The following SNTG1 variants were observed in gnomAD, a reference collection of about 807,000 sequenced individuals.
SNTG1 encodes syntrophin gamma 1, also known as gamma-1-syntrophin.
Under a neutral mutation model 74.7 loss-of-function variants are expected in SNTG1, and 39 were observed. The observed-to-expected ratio is 0.52, with a 90% confidence interval of 0.40 to 0.68. The LOEUF (loss-of-function observed/expected upper bound fraction) is 0.68, where lower values mean the gene tolerates loss of function less well. Among genes scored for constraint, SNTG1 ranks in the 30% least tolerant of loss-of-function variants. SNTG1 has a pLI of 0.00. For missense variants in SNTG1, 685 were observed against 609.5 expected (o/e 1.12, Z -1.30); for synonymous variants, 254 against 217.1 (o/e 1.17, Z -1.49).
intron 9 of SNTG1, among the ~76,000 whole-genome samples, chr8:50,504,951 T>C (rs1045314336): frequency 3.3e-5 from 5 of 152,158 alleles, no homozygotes; most frequent in African/African-American, 1.2e-4. Context: ...AAACTTTTGA[T>C]ATTGCAAAAT....
chr8:49,949,918 G>A (rs1223227519), intron 1 of SNTG1, among the ~76,000 whole-genome samples: 1 of 152,150 alleles, frequency 6.6e-6, no homozygotes, highest in Admixed American at 6.5e-5. Flanking sequence ...CTTGAGCCTG[G>A]GAGTTCGAGA....
chr8:50,471,906 A>G (rs919033680), intron 8 of SNTG1, among the ~76,000 whole-genome samples: 1 of 152,214 alleles, frequency 6.6e-6, no homozygotes, highest in African/African-American at 2.4e-5. Context: ...GGATTTCTAT[A>G]CACTAACAAT....
chr8:50,201,003 A>G (rs1018700815), intron 2 of SNTG1, among the ~76,000 whole-genome samples: 1 of 152,120 alleles, frequency 6.6e-6, no homozygotes, highest in South Asian at 2.1e-4. Context: ...GGGCTCATTC[A>G]TTGTCTTTTG....
intron 4 of SNTG1, among the ~76,000 whole-genome samples, chr8:50,429,038 C>T (rs1258629555): frequency 1.3e-5 from 2 of 151,560 alleles, no homozygotes; most frequent in East Asian, 1.9e-4. Flanking sequence ...TATTAGAAAA[C>T]TCAATATTAT....
At position 50,220,027 on chromosome 8, in the gene SNTG1, T is replaced by G. The variant is rs530880093; in HGVS notation, c.-28+47392T>G. Among the ~76,000 whole-genome samples the G allele has an allele frequency of 3.9e-5, 6 of 152,074 alleles. No homozygotes were observed. In the South Asian group the frequency reaches 1.2e-3, roughly 32 times the overall value. ...ACTTTAAAATATATAAAGTCAAAAATGAAAGAACTACAAGGAGAAATTGAC... is the reference window on the plus strand; with the variant it reads ...ACTTTAAAATATATAAAGTCAAAAAGGAAAGAACTACAAGGAGAAATTGAC... On this transcript the variant is annotated intron_variant, in intron 2 of 18. Coordinates refer to ENST00000642720, the MANE Select transcript of SNTG1 (RefSeq NM_018967.5).
At chr8:50,417,313 G>C (rs2093026998) in intron 4 of SNTG1, among the ~76,000 whole-genome samples, 1 of 152,108 alleles carries the variant, frequency 6.6e-6, no homozygotes, top group Non-Finnish European at 1.5e-5. Context: ...TCTGTAGACT[G>C]TATATTCTGA....
At position 50,530,272 on chromosome 8, in the gene SNTG1, AG is replaced by A. The variant is rs2094256131; in HGVS notation, c.549+15del. Reference sequence around the variant, plus strand: ...TCCCAACAATACAGTAAGATGACCCAGGCATAGCTCAGATTAATAAGGAGAT... The same window carrying A: ...TCCCAACAATACAGTAAGATGACCCAGCATAGCTCAGATTAATAAGGAGAT... On this transcript the variant is annotated intron_variant, in intron 10 of 18. Coordinates refer to ENST00000642720, the MANE Select transcript of SNTG1 (RefSeq NM_018967.5). 2 of 1,612,232 alleles carry A rather than the reference AG, an allele frequency of 1.2e-6. No individual in the cohort carries two copies. The highest frequency in any genetic ancestry group is 1.7e-6 in the Non-Finnish European group (2 of 1,178,376).
chr8:50,313,913 G>A (rs1290690798), intron 2 of SNTG1, among the ~76,000 whole-genome samples: 1 of 149,708 alleles, frequency 6.7e-6, no homozygotes, highest in Non-Finnish European at 1.5e-5. Context: ...TGAAATACAA[G>A]GATTGTTTTT....
At chr8:50,044,558 G>T (rs1818916585) in intron 1 of SNTG1, among the ~76,000 whole-genome samples, 1 of 152,130 alleles carries the variant, frequency 6.6e-6, no homozygotes, top group Non-Finnish European at 1.5e-5. Flanking sequence ...GATATTTTGT[G>T]TCCTTACTTC....
chr8:50,393,971 T>C (rs960082381), intron 2 of SNTG1, among the ~76,000 whole-genome samples: 1 of 152,194 alleles, frequency 6.6e-6, no homozygotes, highest in Non-Finnish European at 1.5e-5. Context: ...TGCCTGGAAA[T>C]GCACACTCAA....
At chr8:50,530,094 T>TC in intron 9 of SNTG1, 83 bp from the exon 10 acceptor site, 2 of 1,078,050 alleles carry the variant, frequency 1.9e-6, no homozygotes, top group South Asian at 2.6e-5. Context: ...TTACTGAGTA[T>TC]CCTTGAAAGT....
At chr8:49,976,999 G>GA (rs1009460066) in intron 1 of SNTG1, among the ~76,000 whole-genome samples, 2 of 152,062 alleles carry the variant, frequency 1.3e-5, no homozygotes, top group South Asian at 2.1e-4. Flanking sequence ...GTGCTTGTGA[G>GA]AAAAAAATGG....
chr8:50,362,185 C>A (rs1385987837), intron 2 of SNTG1, among the ~76,000 whole-genome samples: 2 of 152,072 alleles, frequency 1.3e-5, no homozygotes, highest in African/African-American at 4.8e-5. Context: ...TTTATTGTCC[C>A]CTCATTGAGT....
intron 2 of SNTG1, among the ~76,000 whole-genome samples, chr8:50,317,755 C>T (rs2090365932): frequency 6.6e-6 from 1 of 152,218 alleles, no homozygotes; most frequent in African/African-American, 2.4e-5. Context: ...ATCTTGAACT[C>T]ATCTTCATTT....
intron 1 of SNTG1, among the ~76,000 whole-genome samples, chr8:50,137,426 T>C (rs1448640713): frequency 6.6e-6 from 1 of 152,166 alleles, no homozygotes; most frequent in East Asian, 1.9e-4. Flanking sequence ...ATGGTTTATA[T>C]GGTGCTTGCT....
chr8:50,585,665 G>A (rs988797903), intron 12 of SNTG1, among the ~76,000 whole-genome samples: 1 of 151,816 alleles, frequency 6.6e-6, no homozygotes, highest in African/African-American at 2.4e-5. Context: ...CTCTCTGAAT[G>A]CATTTTATTA....
At chr8:50,775,373 T>G (rs1170763696) in intron 18 of SNTG1, among the ~76,000 whole-genome samples, 1 of 151,706 alleles carries the variant, frequency 6.6e-6, no homozygotes, top group Non-Finnish European at 1.5e-5. Flanking sequence ...ATTTTTTTAT[T>G]TCTTTTGAGA....
chr8:49,959,088 A>G lies in SNTG1; in HGVS notation c.-103+46857A>G, dbSNP rs139227986. On this transcript the variant is annotated intron_variant, in intron 1 of 18. Coordinates refer to ENST00000642720, the MANE Select transcript of SNTG1 (RefSeq NM_018967.5). ...TTTTTGTTTGCTTCATTATTTCTCA[A>G]CTACTCAAAATAAGTAGCTGATATG... Among the ~76,000 whole-genome samples, 251 of 152,300 alleles carry G rather than the reference A, an allele frequency of 1.6e-3. 1 individual carries two copies. The highest frequency in any genetic ancestry group is 5.5e-3 in the African/African-American group (229 of 41,560).
chr8:50,394,556 G>T lies in SNTG1; in HGVS notation c.27+291G>T, dbSNP rs561106936. Among the ~76,000 whole-genome samples, 50 of 152,274 alleles carry T rather than the reference G, an allele frequency of 3.3e-4. No homozygotes were observed. In the South Asian group the frequency reaches 9.7e-3, roughly 30 times the overall value. On this transcript the variant is annotated intron_variant, in intron 3 of 18. Transcript: ENST00000642720. Reference sequence around the variant, plus strand: ...TTTCAGGTAGTGGAAGTGTTGGAAAGAATTCTTTTCACATAAATGGTAATA... The same window carrying T: ...TTTCAGGTAGTGGAAGTGTTGGAAATAATTCTTTTCACATAAATGGTAATA...
Sources: gnomAD v4.1 joint callset for allele counts (sites outside exome capture counted in the v4.1 genomes callset) on GRCh38, gnomAD v4.1.1 for gene constraint, MANE v1.5 for transcripts, NCBI Gene and HGNC (gene_info 2026-07-23, HGNC 2026-07-21) for gene names.